The following CMC1 variants were observed in gnomAD, a reference collection of about 807,000 sequenced individuals.
CMC1 encodes the protein COX assembly mitochondrial protein homolog.
In CMC1, 14 loss-of-function variants were observed where a neutral mutation model predicts 14.1. The ratio of observed to expected loss-of-function variants is 0.99; its 90% CI spans 0.66 to 1.55. CMC1 has a LOEUF of 1.55. Ranked by LOEUF, CMC1 falls within the 40% of genes most tolerant of loss-of-function variation. The pLI, the probability that CMC1 is intolerant of heterozygous loss-of-function variation, is 0.00. For missense variants in CMC1, 127 were observed against 123.8 expected (o/e 1.03, Z -0.12); for synonymous variants, 50 against 38.4 (o/e 1.30, Z -1.12).
Position 28,265,538 on chromosome 3 carries a change from A to T in CMC1, c.109+2158A>T, listed in dbSNP as rs1699962757. Among the ~76,000 whole-genome samples, 3 of 152,146 alleles carry T rather than the reference A, an allele frequency of 2.0e-5. No individual in the cohort carries two copies. In the South Asian group the frequency reaches 6.2e-4, roughly 31 times the overall value. On this transcript the variant is annotated intron_variant, in intron 2 of 3. Transcript: ENST00000466830. ...CAATTGTATGGTTCTTAGATAAAAG[A>T]TACAGGAATTTTAATAAGTGATCTG... is the stretch of plus-strand genomic sequence containing the variant.
At chr3:28,255,667 G>A (rs993570107) in intron 1 of CMC1, among the ~76,000 whole-genome samples, 2 of 148,296 alleles carry the variant, frequency 1.3e-5, no homozygotes, top group Non-Finnish European at 3.0e-5. Context: ...AGCTAGGAAC[G>A]GTTAGTAACA....
intron 2 of CMC1, among the ~76,000 whole-genome samples, chr3:28,303,617 ATAACAG>A (rs1702165133): frequency 6.6e-6 from 1 of 152,180 alleles, no homozygotes; most frequent in Admixed American, 6.5e-5. Flanking sequence ...AAGAAGTTAG[ATAACAG>A]TAATGGCAGA....
chr3:28,317,281 G>A (rs1702973348), intron 3 of CMC1: 1 of 151,798 alleles, frequency 6.6e-6, no homozygotes, highest in Admixed American at 6.6e-5. Context: ...TAGAGATTAT[G>A]TAAACTCATC....
chr3:28,305,617 C>G (rs1040466797), intron 2 of CMC1, among the ~76,000 whole-genome samples: 9 of 152,046 alleles, frequency 5.9e-5, no homozygotes, highest in South Asian at 2.1e-4. Flanking sequence ...CTCCTTTTCT[C>G]TAGGTTGTCT....
At position 28,322,117 on chromosome 3, in the gene CMC1, A is replaced by C. The variant is rs1703204922; in HGVS notation, c.*2488A>C. On this transcript the variant is annotated 3_prime_UTR_variant, in exon 4 of 4. Coordinates refer to ENST00000466830, the MANE Select transcript of CMC1 (RefSeq NM_182523.2). ...CTAGCTGGGTAAAAAATTTTTGGCT[A>C]ATCTTTCCTTACTAAAGAACCTTAT... The C allele has an allele frequency of 6.6e-6, 1 of 151,258 alleles. No individual in the cohort carries two copies. Among genetic ancestry groups the C allele is most frequent in the Non-Finnish European group, 1.5e-5 (1 of 67,448 alleles). 9.4% of individuals were successfully genotyped at this position (151,258 alleles called of 1,614,324 possible).
chr3:28,245,871 A>G (rs1341219294), intron 1 of CMC1, among the ~76,000 whole-genome samples: 1 of 152,244 alleles, frequency 6.6e-6, no homozygotes, highest in Non-Finnish European at 1.5e-5. Flanking sequence ...TAAGTTAGAC[A>G]TGTAAACAAA....
At chr3:28,258,173 G>T (rs1175686413) in intron 1 of CMC1, among the ~76,000 whole-genome samples, 1 of 149,032 alleles carries the variant, frequency 6.7e-6, no homozygotes, top group Non-Finnish European at 1.5e-5. Flanking sequence ...GATAGTTAGG[G>T]GTTCTTGATA....
At chr3:28,319,060 AT>A in intron 3 of CMC1, 1 of 345,010 alleles carries the variant, frequency 2.9e-6, no homozygotes, top group Non-Finnish European at 5.7e-6. Context: ...TCCTGCATTA[AT>A]TTTTCCTCAT....
At chr3:28,308,700 A>G (rs1051055795) in intron 2 of CMC1, among the ~76,000 whole-genome samples, 5 of 152,054 alleles carry the variant, frequency 3.3e-5, no homozygotes, top group African/African-American at 9.7e-5. Context: ...AATGAAATCT[A>G]CAGGCTGAGC....
At position 28,263,328 on chromosome 3, in the gene CMC1, C is replaced by A. The variant is rs779025944; in HGVS notation, c.57C>A (p.Ile19=). 14 of 1,606,962 alleles carry A rather than the reference C, an allele frequency of 8.7e-6. No individual in the cohort carries two copies. The highest frequency in any genetic ancestry group is 1.2e-5 in the Non-Finnish European group (14 of 1,177,330). ...GACATGTCGAAAAAGATGTTTTGATCCCTAAAATAATGAGAGAAAAGGCCA... is the reference window on the plus strand; with the variant it reads ...GACATGTCGAAAAAGATGTTTTGATACCTAAAATAATGAGAGAAAAGGCCA... ...HLRHVEKDVL[I]PKIMREKAKE... is the part of the protein sequence containing the mutation. The change falls in exon 2 of 4, where the codon ATC becomes ATA. Residue 19 remains isoleucine, a synonymous_variant. Transcript: ENST00000466830.
At chr3:28,249,178 C>T (rs1037073110) in intron 1 of CMC1, among the ~76,000 whole-genome samples, 8 of 152,208 alleles carry the variant, frequency 5.3e-5, no homozygotes, top group Admixed American at 1.3e-4. Context: ...TGCTAAAGAA[C>T]TGTTACTGGG....
chr3:28,285,769 A>AT (rs34243188), intron 2 of CMC1, among the ~76,000 whole-genome samples: 2,457 of 142,424 alleles, frequency 0.017, 44 homozygotes, highest in African/African-American at 0.044. Flanking sequence ...AATTCTCAGC[A>AT]TTTTTTTTTT....
intron 2 of CMC1, among the ~76,000 whole-genome samples, chr3:28,288,371 T>A (rs1701305566): frequency 6.6e-6 from 1 of 152,098 alleles, no homozygotes; most frequent in Non-Finnish European, 1.5e-5. Flanking sequence ...TAAATACATC[T>A]ACTTTATCTC....
chr3:28,270,924 T>TC (rs1394083552), intron 2 of CMC1, among the ~76,000 whole-genome samples: 1 of 143,108 alleles, frequency 7.0e-6, no homozygotes, highest in Non-Finnish European at 1.5e-5. Context: ...TAATTTCTTT[T>TC]TTTTTTTTTT....
intron 2 of CMC1, among the ~76,000 whole-genome samples, chr3:28,290,613 G>T (rs540860430): frequency 1.1e-4 from 16 of 152,094 alleles, no homozygotes; most frequent in South Asian, 8.3e-4. Flanking sequence ...TCTTGTATCA[G>T]TTCTTTCTGG....
At chr3:28,257,958 A>G (rs1331434428) in intron 1 of CMC1, among the ~76,000 whole-genome samples, 4 of 151,678 alleles carry the variant, frequency 2.6e-5, no homozygotes, top group Non-Finnish European at 5.9e-5. Flanking sequence ...ATTCTCTCCA[A>G]CGTTGGTGTT....
In CMC1 at chr3:28,324,706, A is replaced by C. The variant is rs1378055206; in HGVS notation, c.*5077A>C. The C allele has an allele frequency of 6.0e-6, 2 of 334,142 alleles. No homozygotes were observed. Among genetic ancestry groups the C allele is most frequent in the Non-Finnish European group, 1.1e-5 (2 of 184,234 alleles). The allele number at this position is 334,142 out of a possible 1,614,324, so 20.7% of individuals were successfully genotyped here. On this transcript the variant is annotated 3_prime_UTR_variant, in exon 4 of 4. Transcript: ENST00000466830. ...TGATGTCTCTTTCCTTGTCTGCAGA[A>C]TGGATATAGAATTCCTGTCCCAACT...
intron 1 of CMC1, among the ~76,000 whole-genome samples, chr3:28,248,943 C>G (rs1698983290): frequency 6.6e-6 from 1 of 152,180 alleles, no homozygotes; most frequent in South Asian, 2.1e-4. Context: ...GCGCCCACCA[C>G]CATGTCCGGC....
chr3:28,292,185 A>G (rs184820711), intron 2 of CMC1, among the ~76,000 whole-genome samples: 295 of 151,922 alleles, frequency 1.9e-3, no homozygotes, highest in African/African-American at 6.7e-3. Context: ...CTTTTTTCCT[A>G]CTTTTTGAAA....
Sources: allele counts gnomAD v4.1 joint callset (sites outside exome capture counted in the v4.1 genomes callset), GRCh38; gene constraint gnomAD v4.1.1; transcripts MANE v1.5; gene names NCBI Gene and HGNC (gene_info 2026-07-23, HGNC 2026-07-21).